P4HA3: variants seen among roughly 807,000 people sequenced by gnomAD.
P4HA3 encodes prolyl 4-hydroxylase subunit alpha 3, also known as prolyl 4-hydroxylase subunit alpha-3.
A neutral mutation model predicts 66.7 loss-of-function variants in P4HA3; 60 were observed. The ratio of observed to expected loss-of-function variants is 0.90; its 90% CI spans 0.73 to 1.12. P4HA3 has a LOEUF of 1.12. Among genes scored for constraint, P4HA3 ranks in the 50% most tolerant of loss-of-function variants. The probability of loss-of-function intolerance (pLI) is 0.00; values close to 1 mark genes in which losing one functional copy is unlikely to be tolerated. For missense variants in P4HA3, 683 were observed against 685.8 expected, an observed-to-expected ratio of 1.00 and a Z score of 0.05; for synonymous variants, 263 against 274.6, an observed-to-expected ratio of 0.96 and a Z score of 0.42.
chr11:74,257,074 C>T (rs1431869195), intron 15 of P4HA3, among the ~76,000 whole-genome samples: 2 of 152,126 alleles, frequency 1.3e-5, no homozygotes, highest in Non-Finnish European at 2.9e-5. Context: ...TGGGGGTGGG[C>T]AGTAACTAAA....
chr11:74,256,001 C>T (rs750729157), intron 15 of P4HA3: 4 of 500,668 alleles, frequency 8.0e-6, no homozygotes, highest in Non-Finnish European at 1.6e-5. Context: ...TTCAGGGGCA[C>T]TCAGGTTCAT....
intron 7 of P4HA3, among the ~76,000 whole-genome samples, chr11:74,284,784 G>T (rs1026105412): frequency 6.6e-6 from 1 of 152,048 alleles, no homozygotes; most frequent in Non-Finnish European, 1.5e-5. Flanking sequence ...GGGCTCACAT[G>T]GTAGTGGCTC....
chr11:74,301,242 C>T (rs948985583), intron 3 of P4HA3, among the ~76,000 whole-genome samples: 2 of 151,480 alleles, frequency 1.3e-5, no homozygotes, highest in Non-Finnish European at 2.9e-5. Flanking sequence ...ATGTTCTTTT[C>T]TTATATTTGA....
chr11:74,251,140 GATGC>G, intron 15 of P4HA3: 1 of 1,502,088 alleles, frequency 6.7e-7, no homozygotes, highest in Non-Finnish European at 8.9e-7. Context: ...AGCCTATGCA[GATGC>G]AGTTCCACCA....
downstream of P4HA3, among the ~76,000 whole-genome samples, chr11:74,264,212 G>A (rs2135698735): frequency 6.6e-6 from 1 of 151,990 alleles, no homozygotes; most frequent in African/African-American, 2.4e-5. Flanking sequence ...AGCTCATGAA[G>A]CCCCAGGAAG....
intron 3 of P4HA3, among the ~76,000 whole-genome samples, chr11:74,300,634 A>C (rs907286405): frequency 6.6e-6 from 1 of 152,152 alleles, no homozygotes; most frequent in African/African-American, 2.4e-5. Context: ...ACCCTAAGAA[A>C]ACAAAAAGAA....
intron 1 of P4HA3, among the ~76,000 whole-genome samples, chr11:74,308,758 T>TTAAAATAAAATAAAA (rs138633165): frequency 1.8e-4 from 28 of 152,128 alleles, no homozygotes; most frequent in African/African-American, 6.5e-4. Context: ...CTAGATGGTC[T>TTAAAATAAAATAAAA]TAAAATAAAA....
chr11:74,252,266 T>A (rs911831461), intron 15 of P4HA3: 4 of 295,906 alleles, frequency 1.4e-5, no homozygotes, highest in African/African-American at 4.4e-5. Flanking sequence ...TTTTTTTTTT[T>A]AGTAAAGATG....
At chr11:74,288,258 G>A (rs948451243) in intron 5 of P4HA3, among the ~76,000 whole-genome samples, 1 of 152,234 alleles carries the variant, frequency 6.6e-6, no homozygotes, top group Non-Finnish European at 1.5e-5. Flanking sequence ...GGGTGATGCT[G>A]AATTCTGTGA....
chr11:74,308,354 TCAAAC>T (rs1297681633), intron 1 of P4HA3, among the ~76,000 whole-genome samples: 3 of 151,876 alleles, frequency 2.0e-5, no homozygotes, highest in Non-Finnish European at 4.4e-5. Flanking sequence ...CTCTACCAAA[TCAAAC>T]CAAACCAAAC....
intron 7 of P4HA3, among the ~76,000 whole-genome samples, chr11:74,283,923 A>G (rs190382878): frequency 6.6e-6 from 1 of 152,340 alleles, no homozygotes; most frequent in Admixed American, 6.5e-5. Flanking sequence ...GATAGCATGT[A>G]TCATAGTGTA....
intron 10 of P4HA3, among the ~76,000 whole-genome samples, chr11:74,271,788 T>C (rs1200841921): frequency 6.6e-6 from 1 of 152,202 alleles, no homozygotes; most frequent in Non-Finnish European, 1.5e-5. Flanking sequence ...AACCTTAACA[T>C]TTGTCTTGAG....
At chr11:74,270,506 A>G (rs1466179930) in intron 10 of P4HA3, among the ~76,000 whole-genome samples, 1 of 145,232 alleles carries the variant, frequency 6.9e-6, no homozygotes, top group East Asian at 2.1e-4. Context: ...AATAATTATC[A>G]TTGTACCATC....
chr11:74,256,852 A>G (rs1859839283), intron 15 of P4HA3, among the ~76,000 whole-genome samples: 4 of 152,202 alleles, frequency 2.6e-5, no homozygotes. Context: ...GGAGGACTGA[A>G]GACAAAGCCA....
At chr11:74,305,863 C>T (rs945276602) in intron 1 of P4HA3, among the ~76,000 whole-genome samples, 1 of 152,120 alleles carries the variant, frequency 6.6e-6, no homozygotes, top group Non-Finnish European at 1.5e-5. Flanking sequence ...TAATCTTGGT[C>T]TCAAGGATCC....
chr11:74,297,295 A>G (rs1861253687), intron 4 of P4HA3, among the ~76,000 whole-genome samples: 1 of 152,146 alleles, frequency 6.6e-6, no homozygotes, highest in Non-Finnish European at 1.5e-5. Context: ...TTCGCCAGGA[A>G]CTTCCATGAA....
At chr11:74,302,666 AC>A in intron 2 of P4HA3, 74 bp from the exon 3 acceptor site, 2 of 1,319,972 alleles carry the variant, frequency 1.5e-6, no homozygotes, top group South Asian at 1.4e-5. Context: ...GTAAGGCATG[AC>A]CACCTGTTCA....
chr11:74,269,606 G>T, intron 11 of P4HA3, 46 bp downstream of exon 11: 1 of 1,574,820 alleles, frequency 6.3e-7, no homozygotes, highest in Non-Finnish European at 8.7e-7. Flanking sequence ...GAGGGTAAGC[G>T]CTGCACTCCC....
At chr11:74,260,582 A>G (rs1591080636) in intron 14 of P4HA3, among the ~76,000 whole-genome samples, 1 of 152,262 alleles carries the variant, frequency 6.6e-6, no homozygotes, top group African/African-American at 2.4e-5. Context: ...ATTACAGATC[A>G]TAAAGTTAGA....
Sources: gnomAD v4.1 joint callset for allele counts (sites outside exome capture counted in the v4.1 genomes callset) on GRCh38, gnomAD v4.1.1 for gene constraint, MANE v1.5 for transcripts, NCBI Gene and HGNC (gene_info 2026-07-23, HGNC 2026-07-21) for gene names.